RBPMS: variants seen among roughly 807,000 people sequenced by gnomAD.
RBPMS encodes the protein RNA-binding protein with multiple splicing.
RBPMS carries 7 observed loss-of-function variants against 26.8 expected under a neutral mutation model. The observed-to-expected ratio is 0.26, with a 90% CI of 0.15 to 0.49. The LOEUF (loss-of-function observed/expected upper bound fraction) is 0.49. RBPMS is among the 20% of genes least tolerant of loss of function. The pLI, the probability that RBPMS is intolerant of heterozygous loss-of-function variation, is 0.98. For synonymous variants in RBPMS, 96 were observed against 93.3 expected (o/e 1.03, Z -0.17); for missense variants, 186 against 250.0 (o/e 0.74, Z 1.73).
intron 5 of RBPMS, among the ~76,000 whole-genome samples, chr8:30,529,032 A>G (rs2151005435): frequency 1.3e-5 from 2 of 152,022 alleles, no homozygotes; most frequent in South Asian, 4.2e-4. Flanking sequence ...CCTGGCTAAC[A>G]TGGTAAAGCC....
chr8:30,550,533 A>G (rs1350109187), intron 6 of RBPMS, among the ~76,000 whole-genome samples: 1 of 152,218 alleles, frequency 6.6e-6, no homozygotes, highest in African/African-American at 2.4e-5. Context: ...GACAGTTAAG[A>G]CACAGGATGG....
At chr8:30,538,529 T>C (rs1563425542) in intron 5 of RBPMS, among the ~76,000 whole-genome samples, 1 of 152,230 alleles carries the variant, frequency 6.6e-6, no homozygotes, top group Non-Finnish European at 1.5e-5. Context: ...GTGCTGGGAT[T>C]ACAGGCATGA....
intron 4 of RBPMS, 124 bp downstream of exon 4, chr8:30,479,501 T>G: frequency 1.3e-6 from 1 of 748,288 alleles, no homozygotes. Flanking sequence ...GAGGGATTCA[T>G]CAATTTAATT....
At chr8:30,550,785 A>G (rs1455309714) in intron 6 of RBPMS, among the ~76,000 whole-genome samples, 1 of 152,202 alleles carries the variant, frequency 6.6e-6, no homozygotes, top group East Asian at 1.9e-4. Flanking sequence ...GGACACGGCC[A>G]CCGGAACCCC....
At chr8:30,467,779 T>C (rs1329586000) in intron 1 of RBPMS, among the ~76,000 whole-genome samples, 1 of 152,204 alleles carries the variant, frequency 6.6e-6, no homozygotes, top group Non-Finnish European at 1.5e-5. Context: ...AAAGAATATT[T>C]CTAAGGACAG....
chr8:30,475,010 G>A (rs1817538519), intron 2 of RBPMS, among the ~76,000 whole-genome samples, 154 bp downstream of exon 2: 1 of 152,196 alleles, frequency 6.6e-6, no homozygotes, highest in African/African-American at 2.4e-5. Flanking sequence ...GAGTTCTAAT[G>A]TACAGTCTCA....
At chr8:30,420,785 C>T (rs1288992559) in intron 1 of RBPMS, among the ~76,000 whole-genome samples, 1 of 152,158 alleles carries the variant, frequency 6.6e-6, no homozygotes, top group Admixed American at 6.5e-5. Context: ...GTCAAGCCTT[C>T]GTGTTTCATG....
chr8:30,498,577 C>T (rs1331604328), intron 4 of RBPMS, among the ~76,000 whole-genome samples: 1 of 152,072 alleles, frequency 6.6e-6, no homozygotes, highest in Admixed American at 6.6e-5. Flanking sequence ...GGGAAACTAA[C>T]CCACAAATAA....
At chr8:30,433,086 A>C (rs1012625075) in intron 1 of RBPMS, among the ~76,000 whole-genome samples, 2 of 152,232 alleles carry the variant, frequency 1.3e-5, no homozygotes, top group Non-Finnish European at 1.5e-5. Context: ...AGTGATTCAA[A>C]TAGCCAGCGG....
chr8:30,468,457 CAA>C (rs1816751565), intron 1 of RBPMS, among the ~76,000 whole-genome samples: 1 of 152,062 alleles, frequency 6.6e-6, no homozygotes, highest in Non-Finnish European at 1.5e-5. Flanking sequence ...TCTCTCCTGA[CAA>C]ACACATATAG....
intron 1 of RBPMS, among the ~76,000 whole-genome samples, chr8:30,439,872 A>AT (rs1015209632): frequency 3.9e-5 from 6 of 151,916 alleles, no homozygotes; most frequent in African/African-American, 1.5e-4. Flanking sequence ...GGCTGTGCTT[A>AT]TTTTTTATAA....
chr8:30,468,724 A>G (rs1816776892), intron 1 of RBPMS, among the ~76,000 whole-genome samples: 1 of 152,298 alleles, frequency 6.6e-6, no homozygotes, highest in East Asian at 1.9e-4. Flanking sequence ...ATGCCCATAG[A>G]AAGGTTTCAT....
At chr8:30,521,493 T>G (rs1175598142) in intron 5 of RBPMS, among the ~76,000 whole-genome samples, 4 of 152,224 alleles carry the variant, frequency 2.6e-5, no homozygotes, top group African/African-American at 7.2e-5. Flanking sequence ...ACAAAGATGG[T>G]GCCTGGCAGA....
At chr8:30,392,299 C>G (rs922210251) in intron 1 of RBPMS, among the ~76,000 whole-genome samples, 7 of 152,016 alleles carry the variant, frequency 4.6e-5, no homozygotes, top group African/African-American at 1.4e-4. Flanking sequence ...AGGGTTCAGA[C>G]AGTGGGGAAA....
At chr8:30,563,044 T>C (rs969864651) in intron 7 of RBPMS, among the ~76,000 whole-genome samples, 1 of 152,212 alleles carries the variant, frequency 6.6e-6, no homozygotes, top group African/African-American at 2.4e-5. Flanking sequence ...GGCAGAGAAC[T>C]GTGGACACAT....
intron 1 of RBPMS, among the ~76,000 whole-genome samples, chr8:30,437,790 C>CA (rs11290191): frequency 0.012 from 1,244 of 106,190 alleles, 11 homozygotes; most frequent in Non-Finnish European, 0.017. Context: ...GACTCCATCT[C>CA]AAAAAAAAAA....
At position 30,549,541 on chromosome 8, in the gene RBPMS, C is replaced by T. The variant is rs141738714; in HGVS notation, c.528+4917C>T. ...CTGTGAGGAGAAGCCACCCCTTGAG[C>T]GCTCCGTCTCCTGATAGTGCCAGCC... On this transcript the variant is annotated intron_variant, in intron 6 of 8. Transcript: ENST00000397323. 908 of 1,614,142 alleles carry T rather than the reference C, an allele frequency of 5.6e-4. 7 individuals are homozygous for T. The African/African-American group carries it at 0.01, about 19-fold the overall frequency.
At chr8:30,558,699 G>A in intron 6 of RBPMS, 188 bp from the exon 7 acceptor site, 1 of 657,564 alleles carries the variant, frequency 1.5e-6, no homozygotes, top group Non-Finnish European at 2.8e-6. Context: ...GTTCATAATG[G>A]TGTGTGGAAC....
intron 1 of RBPMS, among the ~76,000 whole-genome samples, chr8:30,460,380 G>A (rs1815743601): frequency 6.6e-6 from 1 of 152,172 alleles, no homozygotes; most frequent in Admixed American, 6.5e-5. Context: ...GCCATGTGGT[G>A]TTTTAAATAG....
Sources: allele counts gnomAD v4.1 joint callset (sites outside exome capture counted in the v4.1 genomes callset), GRCh38; gene constraint gnomAD v4.1.1; transcripts MANE v1.5; gene names NCBI Gene and HGNC (gene_info 2026-07-23, HGNC 2026-07-21).